The following TSG101 variants were observed in gnomAD, a reference collection of about 807,000 sequenced individuals.
TSG101 encodes tumor susceptibility 101, also known as tumor susceptibility gene 101 protein.
In TSG101, 19 loss-of-function variants were observed where a neutral mutation model predicts 48.5. That is an observed-to-expected ratio of 0.39 (90% CI 0.27 to 0.58). The LOEUF is 0.58. TSG101 is among the 20% of genes least tolerant of loss of function. The probability of loss-of-function intolerance (pLI) is 0.55; values close to 1 mark genes in which losing one functional copy is unlikely to be tolerated. For synonymous variants in TSG101, 174 were observed against 169.4 expected (o/e 1.03, Z -0.21); for missense variants, 365 against 484.4 (o/e 0.75, Z 2.31).
At position 18,483,082 on chromosome 11, in the gene TSG101, T is replaced by C. The variant is rs569531892; in HGVS notation, c.843+788A>G. ...GAGGGATGGCACGCAGGGGTGGTAA[T>C]TGAATCATGGGAGCCGGTCTTTCTA... On this transcript the variant is annotated intron_variant, in intron 8 of 9. Coordinates refer to ENST00000251968, the MANE Select transcript of TSG101 (RefSeq NM_006292.4). 3.3e-5 allele frequency among the ~76,000 whole-genome samples: 5 copies of C among 152,146 alleles called. No individual in the cohort carries two copies. In the South Asian group the frequency reaches 6.2e-4, roughly 19 times the overall value.
intron 7 of TSG101, among the ~76,000 whole-genome samples, chr11:18,486,819 A>G (rs1484090502): frequency 9.2e-5 from 14 of 152,204 alleles, no homozygotes; most frequent in East Asian, 5.8e-4. Context: ...ACATGCACAC[A>G]TATGTTTATT....
chr11:18,483,805 T>C, intron 8 of TSG101, 65 bp downstream of exon 8: 1 of 1,553,822 alleles, frequency 6.4e-7, no homozygotes, highest in South Asian at 1.1e-5. Flanking sequence ...CCAGGGAACA[T>C]ATAGAACACT....
chr11:18,487,554 A>C (rs1849638024), intron 7 of TSG101, among the ~76,000 whole-genome samples: 1 of 152,158 alleles, frequency 6.6e-6, no homozygotes, highest in Non-Finnish European at 1.5e-5. Context: ...TCTAGTAGAG[A>C]GGTAGTCTCA....
chr11:18,494,944 C>T (rs569172041), intron 7 of TSG101, among the ~76,000 whole-genome samples: 25 of 152,156 alleles, frequency 1.6e-4, no homozygotes, highest in Non-Finnish European at 2.5e-4. Context: ...TTTTCTTCAC[C>T]TTTTCCTTTC....
chr11:18,512,687 C>A (rs1850106258), intron 4 of TSG101, among the ~76,000 whole-genome samples: 3 of 150,004 alleles, frequency 2.0e-5, no homozygotes, highest in Admixed American at 2.0e-4. Context: ...GGCAGACAGT[C>A]AGGATCAGGG....
intron 7 of TSG101, among the ~76,000 whole-genome samples, chr11:18,493,678 A>C (rs1039866643): frequency 6.6e-6 from 1 of 152,196 alleles, no homozygotes; most frequent in Non-Finnish European, 1.5e-5. Flanking sequence ...TCTATTTAGA[A>C]ACTAGACCGA....
At chr11:18,490,218 A>G (rs1226173092) in intron 7 of TSG101, 6 of 481,186 alleles carry the variant, frequency 1.2e-5, no homozygotes, top group Non-Finnish European at 1.7e-5. Flanking sequence ...AACAGATTAC[A>G]AAGCACAAGA....
At chr11:18,491,306 G>C (rs1421277799) in intron 7 of TSG101, among the ~76,000 whole-genome samples, 1 of 152,094 alleles carries the variant, frequency 6.6e-6, no homozygotes, top group African/African-American at 2.4e-5. Flanking sequence ...GGGGGGGTCT[G>C]GGCCATGCAG....
intron 7 of TSG101, among the ~76,000 whole-genome samples, chr11:18,492,606 C>T (rs12787707): frequency 2.0e-5 from 3 of 152,080 alleles, no homozygotes; most frequent in East Asian, 3.8e-4. Context: ...CATTAACCCT[C>T]AAAATAAGAA....
rs1204737360 is a variant in TSG101 at position 18,499,400 on chromosome 11, A to ATTTTTTT, written c.640+3085_640+3086insAAAAAAA. On this transcript the variant is annotated intron_variant, in intron 7 of 9. Coordinates refer to ENST00000251968, the MANE Select transcript of TSG101 (RefSeq NM_006292.4). The stretch of plus-strand genomic sequence containing the variant: ...TATTTAAATATATATATATATATAT[A>ATTTTTTT]TATTTTTTTTTTTTTTTTTTTTTTT... Among the ~76,000 whole-genome samples the ATTTTTTT allele has an allele frequency of 1.8e-3, 12 of 6,784 alleles. No individual in the cohort carries two copies. The South Asian group carries it at 0.027, about 15-fold the overall frequency. The allele number at this position is 6,784 out of a possible 152,430, so 4.5% of individuals were successfully genotyped here.
chr11:18,526,396 G>A (rs1442132724), intron 1 of TSG101, among the ~76,000 whole-genome samples: 1 of 152,058 alleles, frequency 6.6e-6, no homozygotes, highest in Non-Finnish European at 1.5e-5. Context: ...ATTGGGACAG[G>A]AGTAGAGGAT....
intron 4 of TSG101, among the ~76,000 whole-genome samples, chr11:18,511,960 T>G (rs1850090998): frequency 6.7e-6 from 1 of 150,172 alleles, no homozygotes; most frequent in Non-Finnish European, 1.5e-5. Flanking sequence ...TGTGGTAGTA[T>G]GAATCAATTC....
At chr11:18,492,328 A>G (rs1252875973) in intron 7 of TSG101, among the ~76,000 whole-genome samples, 3 of 152,258 alleles carry the variant, frequency 2.0e-5, no homozygotes, top group African/African-American at 4.8e-5. Context: ...TCATTGGCAC[A>G]GAAGTTATCA....
intron 7 of TSG101, chr11:18,490,228 A>C: frequency 3.9e-6 from 2 of 506,544 alleles, no homozygotes; most frequent in Non-Finnish European, 7.9e-6. Flanking sequence ...AAAGCACAAG[A>C]AACATTACTT....
chr11:18,497,499 C>T (rs977294176), intron 7 of TSG101, among the ~76,000 whole-genome samples: 1 of 152,170 alleles, frequency 6.6e-6, no homozygotes, highest in Admixed American at 6.5e-5. Context: ...TCCACATATA[C>T]CATTTTCCAC....
intron 1 of TSG101, among the ~76,000 whole-genome samples, chr11:18,520,607 T>A (rs1015787767): frequency 6.6e-6 from 1 of 152,220 alleles, no homozygotes; most frequent in African/African-American, 2.4e-5. Context: ...AGAATTTATT[T>A]CTTAAAGAAA....
chr11:18,483,830 A>G (rs1181713315), intron 8 of TSG101, 40 bp downstream of exon 8: 2 of 1,608,444 alleles, frequency 1.2e-6, no homozygotes. Context: ...CATGGCTACA[A>G]TTCAATCCAA....
chr11:18,525,041 G>A (rs550355804), intron 1 of TSG101, among the ~76,000 whole-genome samples: 13 of 151,302 alleles, frequency 8.6e-5, no homozygotes, highest in Middle Eastern at 3.2e-3. Context: ...CTCCCGAGTA[G>A]GCTGGGATTA....
chr11:18,513,455 C>T (rs1850120731), intron 4 of TSG101, among the ~76,000 whole-genome samples: 1 of 152,010 alleles, frequency 6.6e-6, no homozygotes, highest in South Asian at 2.1e-4. Flanking sequence ...ACCACCATGC[C>T]AAGGTTTTTT....
Sources: allele counts gnomAD v4.1 joint callset (sites outside exome capture counted in the v4.1 genomes callset), GRCh38; gene constraint gnomAD v4.1.1; transcripts MANE v1.5; gene names NCBI Gene and HGNC (gene_info 2026-07-23, HGNC 2026-07-21).